SEMA4G: variants seen among roughly 807,000 people sequenced by gnomAD.
SEMA4G encodes semaphorin-4G.
SEMA4G carries 59 observed loss-of-function variants against 81.2 expected under a neutral mutation model. That is an observed-to-expected ratio of 0.73 (90% CI 0.59 to 0.90). SEMA4G has a LOEUF of 0.90. SEMA4G is among the 40% of genes least tolerant of loss of function. SEMA4G has a pLI of 0.00. For missense variants in SEMA4G, 952 were observed against 1,102.3 expected, an observed-to-expected ratio of 0.86 and a Z score of 1.93; for synonymous variants, 404 against 433.9, an observed-to-expected ratio of 0.93 and a Z score of 0.86.
chr10:100,972,014 T>A (rs956821851), upstream of SEMA4G, among the ~76,000 whole-genome samples: 66 of 151,920 alleles, frequency 4.3e-4, no homozygotes, highest in African/African-American at 1.6e-3. Flanking sequence ...TGCACCCCCT[T>A]GGAGAGGAAT....
intron 8 of SEMA4G, among the ~76,000 whole-genome samples, chr10:100,979,555 G>A (rs1235453784): frequency 1.3e-5 from 2 of 152,054 alleles, no homozygotes; most frequent in Admixed American, 1.3e-4. Context: ...GCTAATTTTT[G>A]TATTTTTAAT....
chr10:100,979,147 T>C (rs1850935025), exon 8 of SEMA4G: 1 of 1,614,220 alleles, frequency 6.2e-7, no homozygotes, highest in Non-Finnish European at 8.5e-7. Context: ...GTGGACTTCC[T>C]TCCTGAAAGC....
exon 14 of SEMA4G, chr10:100,983,736 C>T (rs149052530): frequency 1.8e-4 from 285 of 1,613,050 alleles, no homozygotes; most frequent in Non-Finnish European, 2.3e-4. Flanking sequence ...CAGACGAGGG[C>T]GCCGACGGAA....
At chr10:100,976,675 G>C (rs185498401) in intron 3 of SEMA4G, among the ~76,000 whole-genome samples, 111 of 152,286 alleles carry the variant, frequency 7.3e-4, no homozygotes, top group Non-Finnish European at 1.3e-3. Flanking sequence ...AGTAGCAAAA[G>C]TGTGTTGTTT....
exon 10 of SEMA4G, chr10:100,980,169 C>G (rs773129383): frequency 1.2e-6 from 2 of 1,614,250 alleles, no homozygotes; most frequent in Admixed American, 3.3e-5. Context: ...CATCCCAAGA[C>G]TTGCCATCCC....
In SEMA4G at chr10:100,979,287, A is replaced by G. The variant is rs1369579995; in HGVS notation, c.983+16A>G. The G allele has an allele frequency of 1.9e-6, 3 of 1,614,002 alleles. No individual in the cohort carries two copies. Among genetic ancestry groups the G allele is most frequent in the African/African-American group, 1.3e-5 (1 of 74,894 alleles). ...GCACACAGTGGTCAGTGCAGGGACA[A>G]TCGGGAGGCAAGAAACTGCGGACAG... On this transcript the variant is annotated intron_variant, in intron 8 of 13. Coordinates refer to ENST00000370250, the Ensembl canonical transcript of SEMA4G.
chr10:100,976,950 T>A (rs760881793), intron 3 of SEMA4G, among the ~76,000 whole-genome samples: 1 of 152,026 alleles, frequency 6.6e-6, no homozygotes, highest in African/African-American at 2.4e-5. Flanking sequence ...TTGGACTGGG[T>A]GCTGGTGGTG....
chr10:100,985,193 A>ATGTC (rs1851379088), downstream of SEMA4G: 2 of 333,364 alleles, frequency 6.0e-6, no homozygotes, highest in Admixed American at 8.7e-5. Context: ...GAGAAATCTG[A>ATGTC]TGTCTCAACT....
At position 100,977,606 on chromosome 10, in the gene SEMA4G, A is replaced by T. The variant is rs1480887229; in HGVS notation, c.337-26A>T. The T allele has an allele frequency of 4.4e-6, 7 of 1,596,922 alleles. No individual in the cohort carries two copies. In the South Asian group the frequency reaches 6.6e-5, roughly 15 times the overall value. ...AGGCTTCTAGTCAGGCAGGGGGCTC[A>T]CAGCCCTCTCCACCTCATCCCACAG... On this transcript the variant is annotated intron_variant, in intron 3 of 13. Transcript: ENST00000370250.
intron 3 of SEMA4G, among the ~76,000 whole-genome samples, chr10:100,976,081 G>A (rs1024092200): frequency 9.9e-5 from 15 of 152,038 alleles, no homozygotes; most frequent in African/African-American, 3.4e-4. Context: ...ATGGAGACGG[G>A]GGACAGATGG....
At chr10:100,981,341 G>C (rs1851062551) in intron 13 of SEMA4G, 112 bp downstream of exon 14, 1 of 1,602,192 alleles carries the variant, frequency 6.2e-7, no homozygotes, top group African/African-American at 1.3e-5. Context: ...TGTACATTTG[G>C]TAAGGATGAC....
upstream of SEMA4G, among the ~76,000 whole-genome samples, chr10:100,971,087 T>G (rs1038933662): frequency 4.6e-5 from 7 of 151,146 alleles, no homozygotes; most frequent in Non-Finnish European, 8.8e-5. Flanking sequence ...CCCCTGTGAA[T>G]CCACGTGTTC....
exon 4 of SEMA4G, chr10:100,977,640 C>T (rs1850858994): frequency 1.2e-6 from 2 of 1,613,940 alleles, no homozygotes; most frequent in Non-Finnish European, 1.7e-6. Context: ...AGACGGAGTG[C>T]TTTAACCATG....
chr10:100,969,788 G>A, upstream of SEMA4G: 2 of 442,472 alleles, frequency 4.5e-6, no homozygotes, highest in East Asian at 7.2e-5. Flanking sequence ...GTGCAAACCG[G>A]CCACCACGGA....
chr10:100,977,649 T>C (rs371741444), exon 4 of SEMA4G: 370 of 1,613,994 alleles, frequency 2.3e-4, no homozygotes, highest in Non-Finnish European at 2.7e-4. Flanking sequence ...GCTTTAACCA[T>C]GTGCGGTTCC....
At chr10:100,981,688 C>T in intron 13 of SEMA4G, 1 of 994,228 alleles carries the variant, frequency 1.0e-6, no homozygotes, top group Non-Finnish European at 1.5e-6. Flanking sequence ...TTATTATCCC[C>T]ATGAGGGACC....
Position 100,973,510 on chromosome 10 carries a change from G to A in SEMA4G, c.274-37G>A, listed in dbSNP as rs773075421. On this transcript the variant is annotated intron_variant, in intron 2 of 13. Transcript: ENST00000370250. This position sits in a 1 kb window ranked among gnomAD's most constrained non-coding sequence, Gnocchi z 5.5. ...TGGTCCTATGAGTAATAGGTATTGG[G>A]GTCAGTGCATCAGCCTATTCCCTTT... 10 of 1,600,370 alleles carry A rather than the reference G, an allele frequency of 6.2e-6. No homozygotes were observed. Among genetic ancestry groups the A allele is most frequent in the African/African-American group, 2.7e-5 (2 of 74,584 alleles).
exon 14 of SEMA4G, chr10:100,984,461 T>C: frequency 6.6e-7 from 1 of 1,521,588 alleles, no homozygotes; most frequent in African/African-American, 1.4e-5. Flanking sequence ...GTTCCATTCA[T>C]CTGCCCAAAC....
exon 14 of SEMA4G, chr10:100,984,794 G>A: frequency 6.5e-7 from 1 of 1,535,646 alleles, no homozygotes; most frequent in Non-Finnish European, 8.7e-7. Flanking sequence ...GAACGGGCCA[G>A]CCTGGGGAGG....
Sources: gnomAD v4.1 joint callset for allele counts (sites outside exome capture counted in the v4.1 genomes callset) on GRCh38, gnomAD v4.1.1 for gene constraint, Gnocchi (gnomAD v3.1) non-coding constraint, MANE v1.5 for transcripts, NCBI Gene and HGNC (gene_info 2026-07-23, HGNC 2026-07-21) for gene names.